SNX29: variants seen among roughly 807,000 people sequenced by gnomAD.
SNX29 encodes sorting nexin-29.
In SNX29, 78 loss-of-function variants were observed where a neutral mutation model predicts 102.1. The observed-to-expected ratio is 0.76, with a 90% CI of 0.64 to 0.92. The LOEUF (loss-of-function observed/expected upper bound fraction) is 0.92. SNX29 is among the 40% of genes least tolerant of loss of function. The probability of loss-of-function intolerance (pLI) is 0.00; values close to 1 mark genes in which losing one functional copy is unlikely to be tolerated. For synonymous variants in SNX29, 580 were observed against 414.5 expected (o/e 1.40, Z -4.85); for missense variants, 1,280 against 1,061.7 (o/e 1.21, Z -2.86).
chr16:12,487,584 G>A (rs995213583), intron 19 of SNX29, among the ~76,000 whole-genome samples: 5 of 152,136 alleles, frequency 3.3e-5, no homozygotes, highest in South Asian at 2.1e-4. Flanking sequence ...GAAGCCAGCC[G>A]CACACGTCCA....
At chr16:12,564,998 A>G (rs1465564) in intron 20 of SNX29, among the ~76,000 whole-genome samples, 39,503 of 151,346 alleles carry the variant, frequency 0.26, 5,713 homozygotes, top group East Asian at 0.44. Flanking sequence ...ACTACAGCCC[A>G]TGTCTCTACT....
intron 15 of SNX29, among the ~76,000 whole-genome samples, chr16:12,313,374 G>A (rs2080627285): frequency 6.6e-6 from 1 of 152,126 alleles, no homozygotes; most frequent in Non-Finnish European, 1.5e-5. Flanking sequence ...GGATAATTAT[G>A]CCTACACCCT....
chr16:12,295,028 C>T (rs1170702099), intron 15 of SNX29, among the ~76,000 whole-genome samples: 1 of 152,162 alleles, frequency 6.6e-6, no homozygotes, highest in Non-Finnish European at 1.5e-5. Context: ...AGGGATTTCT[C>T]CCTATAAAAC....
Position 12,561,279 on chromosome 16 carries a change from CAG to C in SNX29, c.2319-7226_2319-7225del, listed in dbSNP as rs1232444695. ...TCCACAGATCCAAGGGGCTAAGACA[CAG>C]GGAGAACATTCTCCATGATCTTCAC... On this transcript the variant is annotated intron_variant, in intron 20 of 20. Transcript: ENST00000566228. The C allele has an allele frequency of 2.2e-5, 5 of 230,230 alleles. No homozygotes were observed. The East Asian group carries it at 2.5e-4, about 11-fold the overall frequency. 14.3% of individuals were successfully genotyped at this position (230,230 alleles called of 1,614,324 possible). A position where few individuals can be genotyped will look rare whatever the true frequency, so the allele number is the denominator to read the frequency against.
At chr16:12,320,914 T>G (rs2080910470) in intron 15 of SNX29, among the ~76,000 whole-genome samples, 1 of 152,240 alleles carries the variant, frequency 6.6e-6, no homozygotes, top group South Asian at 2.1e-4. Flanking sequence ...ATGGCGGCAG[T>G]GTTTAAATGT....
At chr16:12,214,361 T>A (rs1279120327) in intron 14 of SNX29, among the ~76,000 whole-genome samples, 1 of 152,208 alleles carries the variant, frequency 6.6e-6, no homozygotes, top group Non-Finnish European at 1.5e-5. Context: ...GCATTGTGTT[T>A]ATTGGTGTAG....
intron 15 of SNX29, among the ~76,000 whole-genome samples, chr16:12,341,700 C>G (rs376956075): frequency 6.6e-6 from 1 of 152,182 alleles, no homozygotes; most frequent in Non-Finnish European, 1.5e-5. Flanking sequence ...CAGGGTCACA[C>G]GCCAGCAGTC....
chr16:12,009,401 TGA>T lies in SNX29; in HGVS notation c.122+6363_122+6364del, dbSNP rs374411098. Among the ~76,000 whole-genome samples, 762 of 152,002 alleles carry T rather than the reference TGA, an allele frequency of 5.0e-3. 9 individuals carry two copies. Among genetic ancestry groups the T allele is most frequent in the African/African-American group, 0.017 (700 of 41,432 alleles). On this transcript the variant is annotated intron_variant, in intron 3 of 20. Transcript: ENST00000566228. ...TTGTATGTGTGTGTGGGTATGTGTG[TGA>T]GAGATATATATATGTATACATGTAT...
intron 20 of SNX29, among the ~76,000 whole-genome samples, chr16:12,547,841 C>G (rs1274359881): frequency 2.0e-5 from 3 of 152,198 alleles, no homozygotes; most frequent in African/African-American, 7.2e-5. Context: ...GCCCCAGATT[C>G]CAAACTGGAG....
chr16:12,550,338 CAGCCT>C (rs1232589096), intron 20 of SNX29, among the ~76,000 whole-genome samples: 1 of 152,062 alleles, frequency 6.6e-6, no homozygotes, highest in African/African-American at 2.4e-5. Flanking sequence ...AGTGTGAGAC[CAGCCT>C]AGCCAACAAG....
intron 15 of SNX29, among the ~76,000 whole-genome samples, chr16:12,300,855 A>T (rs2080150905): frequency 6.6e-6 from 1 of 152,132 alleles, no homozygotes; most frequent in Non-Finnish European, 1.5e-5. Flanking sequence ...TACCTACTAG[A>T]TGCTGGTGAC....
At chr16:12,499,286 A>C (rs988152537) in intron 19 of SNX29, among the ~76,000 whole-genome samples, 1 of 152,194 alleles carries the variant, frequency 6.6e-6, no homozygotes, top group Non-Finnish European at 1.5e-5. Context: ...GATGCCCCCA[A>C]TGCACTGATT....
At chr16:12,020,875 C>T (rs1023760094) in intron 3 of SNX29, among the ~76,000 whole-genome samples, 8 of 152,176 alleles carry the variant, frequency 5.3e-5, no homozygotes, top group Admixed American at 6.5e-5. Context: ...CCTCCCATCT[C>T]GGCCTCCCAA....
chr16:12,544,607 G>C (rs1306904497), intron 20 of SNX29, among the ~76,000 whole-genome samples: 1 of 152,206 alleles, frequency 6.6e-6, no homozygotes, highest in African/African-American at 2.4e-5. Context: ...TGTCACTCCT[G>C]ACTCTGCGTC....
chr16:12,381,374 A>G (rs1597163548), intron 16 of SNX29, among the ~76,000 whole-genome samples: 1 of 19,176 alleles, frequency 5.2e-5, no homozygotes, highest in East Asian at 2.5e-3. Flanking sequence ...CCACCGACCC[A>G]TCATCCACCC....
chr16:12,556,799 C>G (rs1025899063), intron 20 of SNX29, among the ~76,000 whole-genome samples: 1 of 152,048 alleles, frequency 6.6e-6, no homozygotes, highest in East Asian at 1.9e-4. Flanking sequence ...CAGTTGCCCC[C>G]TTTACTAAAG....
chr16:12,572,033 T>C lies in SNX29; in HGVS notation c.*3404T>C. The stretch of plus-strand genomic sequence containing the variant: ...GAGCTGCTGGCTATAAAAGGGATCA[T>C]CCAGTGGAGTTGTAAACAAGGGAAC... On this transcript the variant is annotated 3_prime_UTR_variant, in exon 21 of 21. Transcript: ENST00000566228. The C allele has an allele frequency of 9.4e-7, 1 of 1,063,044 alleles. No individual in the cohort carries two copies. The highest frequency in any genetic ancestry group is 1.1e-6 in the Non-Finnish European group (1 of 877,920). The allele number at this position is 1,063,044 out of a possible 1,614,324, so 65.9% of individuals were successfully genotyped here.
At chr16:12,290,103 C>T (rs77933514) in intron 15 of SNX29, among the ~76,000 whole-genome samples, 4,806 of 152,204 alleles carry the variant, frequency 0.032, 116 homozygotes, top group Admixed American at 0.063. Flanking sequence ...GCCCAGTCTA[C>T]TTGGGCCATT....
chr16:12,475,305 T>C (rs1283267751), intron 18 of SNX29, among the ~76,000 whole-genome samples: 1 of 152,202 alleles, frequency 6.6e-6, no homozygotes, highest in Non-Finnish European at 1.5e-5. Context: ...TGGTAAGATT[T>C]GGAAAGGACT....
Sources: allele counts gnomAD v4.1 joint callset (sites outside exome capture counted in the v4.1 genomes callset), GRCh38; gene constraint gnomAD v4.1.1; transcripts MANE v1.5; gene names NCBI Gene and HGNC (gene_info 2026-07-23, HGNC 2026-07-21).